RSAD2: variants seen among roughly 807,000 people sequenced by gnomAD.
RSAD2 encodes radical S-adenosyl methionine domain containing 2.
RSAD2 carries 38 observed loss-of-function variants against 37.7 expected under a neutral mutation model. The observed-to-expected ratio is 1.01, with a 90% CI of 0.78 to 1.32. RSAD2 has a LOEUF of 1.32. Among genes scored for constraint, RSAD2 ranks in the 40% most tolerant of loss-of-function variants. The pLI is 0.00. For missense variants in RSAD2, 428 were observed against 437.5 expected (o/e 0.98, Z 0.19); for synonymous variants, 163 against 157.4 (o/e 1.04, Z -0.27).
intron 2 of RSAD2, among the ~76,000 whole-genome samples, chr2:6,885,043 C>CT: frequency 6.6e-6 from 1 of 152,198 alleles, no homozygotes; most frequent in East Asian, 1.9e-4. Context: ...CACTACCTCT[C>CT]CAAGTTTGGT....
Position 6,865,949 on chromosome 2 carries a change from CG to C in RSAD2, c.50del (p.Gly17AlafsTer20), listed in dbSNP as rs1663074694. ...GCGCTCGGGAGCAGACGCTTGGCCC[CG>C]GGGCCCCAGGTGCGCGGCTCCGCGG... On this transcript the variant is annotated frameshift_variant, in exon 1 of 6. Transcript: ENST00000442639. LOFTEE classifies it high-confidence loss of function. 2 of 1,296,212 alleles carry C rather than the reference CG, an allele frequency of 1.5e-6. No homozygotes were observed. The highest frequency in any genetic ancestry group is 3.1e-5 in the Admixed American group (1 of 31,784). The allele number at this position is 1,296,212 out of a possible 1,614,324, so 80.3% of individuals were successfully genotyped here.
intron 5 of RSAD2, among the ~76,000 whole-genome samples, chr2:6,894,810 A>G (rs1163224195): frequency 6.6e-6 from 1 of 152,240 alleles, no homozygotes; most frequent in East Asian, 1.9e-4. Context: ...TTAACAATAT[A>G]AGCTTTCTTA....
At chr2:6,876,282 C>A (rs1365527044), upstream of RSAD2, among the ~76,000 whole-genome samples, 1 of 152,132 alleles carries the variant, frequency 6.6e-6, no homozygotes, top group Non-Finnish European at 1.5e-5. Flanking sequence ...CCCTACAAGT[C>A]TTGATCCTCC....
intron 2 of RSAD2, among the ~76,000 whole-genome samples, chr2:6,884,086 T>G (rs1251532149): frequency 6.6e-6 from 1 of 152,252 alleles, no homozygotes; most frequent in Non-Finnish European, 1.5e-5. Context: ...TTGGAAAACA[T>G]TAGCTCTTCT....
rs370465849 is a variant in RSAD2, at chr2:6,878,127, G to T, written c.327G>T (p.Leu109Phe). The T allele has an allele frequency of 6.2e-7, 1 of 1,613,904 alleles. No individual in the cohort carries two copies. Among genetic ancestry groups the T allele is most frequent in the Non-Finnish European group, 8.5e-7 (1 of 1,179,884 alleles). Residue 109 changes from leucine to phenylalanine, a missense_variant, in exon 1 of 6, where the codon TTG becomes TTT. Physicochemically the swap from Leu to Phe is conservative, Grantham distance 22. Transcript: ENST00000382040. ...CCCTTGAGGAAGCAAAGAGAGGATTGCTTTTGCTTAAGGAAGCTGGTGAGT... is the reference window on the plus strand; with the variant it reads ...CCCTTGAGGAAGCAAAGAGAGGATTTCTTTTGCTTAAGGAAGCTGGTGAGT... ...VLPLEEAKRG[L>F]LLLKEAGMEK...
At chr2:6,876,049 T>C (rs1182769431), upstream of RSAD2, among the ~76,000 whole-genome samples, 3 of 152,216 alleles carry the variant, frequency 2.0e-5, no homozygotes, top group African/African-American at 7.2e-5. Context: ...TGCTTTAGAC[T>C]ATCTCCTCCC....
rs539092845 is a variant in RSAD2, at chr2:6,878,726, T to A, written c.346+580T>A. On this transcript the variant is annotated intron_variant, in intron 1 of 5. Coordinates refer to ENST00000382040, the MANE Select transcript of RSAD2 (RefSeq NM_080657.5). ...ATCACCACATTAGTAACTGGCAGCG[T>A]CTTGGAGAGAACTCAGCACGTGACC... The A allele has an allele frequency of 8.5e-4, 529 of 619,682 alleles. 1 individual carries two copies. Among genetic ancestry groups the A allele is most frequent in the Non-Finnish European group, 1.1e-3 (490 of 437,154 alleles). 38.4% of individuals were successfully genotyped at this position (619,682 alleles called of 1,614,324 possible). A position where few individuals can be genotyped will look rare whatever the true frequency, so the allele number is the denominator to read the frequency against.
At chr2:6,871,051 A>G (rs1663195909) in intron 1 of RSAD2, among the ~76,000 whole-genome samples, 1 of 152,236 alleles carries the variant, frequency 6.6e-6, no homozygotes, top group African/African-American at 2.4e-5. Flanking sequence ...AAAAAAGAAA[A>G]TACCAAACCT....
At chr2:6,878,499 G>T (rs1276899449) in intron 1 of RSAD2, among the ~76,000 whole-genome samples, 25 of 152,128 alleles carry the variant, frequency 1.6e-4, no homozygotes, top group Admixed American at 1.2e-3. Context: ...TTCTGAGTTT[G>T]CCCACAACAC....
chr2:6,891,796 CA>C (rs146089970), intron 4 of RSAD2, among the ~76,000 whole-genome samples: 7 of 149,422 alleles, frequency 4.7e-5, no homozygotes, highest in East Asian at 2.0e-4. Flanking sequence ...AGAATAATAC[CA>C]AAAAAAAATA....
At chr2:6,892,465 A>C (rs1046197107) in intron 4 of RSAD2, among the ~76,000 whole-genome samples, 1 of 152,216 alleles carries the variant, frequency 6.6e-6, no homozygotes, top group African/African-American at 2.4e-5. Context: ...AGGGACTGTT[A>C]ACCCTTTGAC....
intron 1 of RSAD2, 69 bp from the exon 2 acceptor site, chr2:6,883,302 A>C: frequency 6.7e-7 from 1 of 1,500,928 alleles, no homozygotes; most frequent in Non-Finnish European, 9.1e-7. Flanking sequence ...TTGAGAAAAT[A>C]CTACTTTTGC....
chr2:6,890,078 T>C, intron 3 of RSAD2, 98 bp from the exon 4 acceptor site: 1 of 1,172,436 alleles, frequency 8.5e-7, no homozygotes, highest in Non-Finnish European at 1.2e-6. Flanking sequence ...TAGAGTCTCT[T>C]TGCTCAGAAG....
intron 1 of RSAD2, among the ~76,000 whole-genome samples, chr2:6,867,227 A>G (rs1472105584): frequency 6.6e-6 from 1 of 152,202 alleles, no homozygotes; most frequent in African/African-American, 2.4e-5. Flanking sequence ...CGCCTAAACA[A>G]TAGAAAATTT....
chr2:6,871,958 A>G (rs564562852), intron 1 of RSAD2, among the ~76,000 whole-genome samples: 5 of 152,314 alleles, frequency 3.3e-5, no homozygotes, highest in African/African-American at 1.2e-4. Context: ...ATTCAGTAAT[A>G]TAAAGTTGGT....
At chr2:6,866,049 G>T in intron 1 of RSAD2, 1 of 321,156 alleles carries the variant, frequency 3.1e-6, no homozygotes. Flanking sequence ...CCCCAAGGTA[G>T]CTCCGTGTGC....
chr2:6,867,874 T>G (rs1663132830), intron 1 of RSAD2, among the ~76,000 whole-genome samples: 1 of 152,250 alleles, frequency 6.6e-6, no homozygotes, highest in African/African-American at 2.4e-5. Context: ...GTATTTGGGC[T>G]TAGTCAATAT....
At chr2:6,872,239 A>G (rs182459446) in intron 1 of RSAD2, among the ~76,000 whole-genome samples, 4 of 152,318 alleles carry the variant, frequency 2.6e-5, no homozygotes, top group Admixed American at 1.3e-4. Context: ...AGATAATACT[A>G]AGACACTATT....
intron 3 of RSAD2, among the ~76,000 whole-genome samples, chr2:6,889,768 A>G (rs993818381): frequency 3.3e-5 from 5 of 152,244 alleles, no homozygotes; most frequent in African/African-American, 9.6e-5. Flanking sequence ...GACATATGCT[A>G]GAGGCCTTCA....
Sources: allele counts gnomAD v4.1 joint callset (sites outside exome capture counted in the v4.1 genomes callset), GRCh38; gene constraint gnomAD v4.1.1; transcripts MANE v1.5; gene names NCBI Gene and HGNC (gene_info 2026-07-23, HGNC 2026-07-21).